TXNDC11: variants seen among roughly 807,000 people sequenced by gnomAD.
TXNDC11 encodes thioredoxin domain-containing protein 11.
TXNDC11 carries 68 observed loss-of-function variants against 78.0 expected under a neutral mutation model. The observed-to-expected ratio is 0.87, with a 90% CI of 0.72 to 1.07. The LOEUF (loss-of-function observed/expected upper bound fraction) is 1.07, where lower values mean the gene tolerates loss of function less well. Ranked by LOEUF, TXNDC11 falls within the 50% of genes least tolerant of loss-of-function variation. The pLI is 0.00. For missense variants in TXNDC11, 1,389 were observed against 1,221.8 expected, an observed-to-expected ratio of 1.14 and a Z score of -2.04; for synonymous variants, 571 against 495.2, an observed-to-expected ratio of 1.15 and a Z score of -2.03.
intron 6 of TXNDC11, among the ~76,000 whole-genome samples, chr16:11,699,349 T>A (rs554178578): frequency 5.3e-5 from 8 of 152,334 alleles, no homozygotes; most frequent in Middle Eastern, 3.4e-3. Flanking sequence ...ATATGTAGGC[T>A]GTGTAACATG....
intron 1 of TXNDC11, 35 bp downstream of exon 1, chr16:11,742,442 G>C: frequency 7.3e-7 from 1 of 1,364,850 alleles, no homozygotes; most frequent in Non-Finnish European, 9.4e-7. Context: ...CAAGGGGAGC[G>C]CCCTAGCGGG....
At chr16:11,736,891 A>C (rs1351971089) in intron 1 of TXNDC11, among the ~76,000 whole-genome samples, 1 of 152,166 alleles carries the variant, frequency 6.6e-6, no homozygotes, top group Non-Finnish European at 1.5e-5. Flanking sequence ...ATCAGGAGGA[A>C]AAAGAAAAGA....
At position 11,742,626 on chromosome 16, in the gene TXNDC11, C is replaced by A; in HGVS notation, c.105G>T (p.Ser35=). ...AGGACGCTGTGGCCAGGGTCGGGCT[C>A]GAGCTGAGGCAGTCTGAGCCCGCGG... ...GGPAGSDCLS[S]SPTLATASSA... Residue 35 remains serine (S), a synonymous_variant, in exon 1 of 12, where the codon TCG becomes TCT. Transcript: ENST00000283033. 6.9e-7 allele frequency: 1 copy of A among 1,459,272 alleles called. No homozygotes were observed. Among genetic ancestry groups the A allele is most frequent in the Non-Finnish European group, 9.0e-7 (1 of 1,111,250 alleles). The allele number at this position is 1,459,272 out of a possible 1,614,324, so 90.4% of individuals were successfully genotyped here. A position where few individuals can be genotyped will look rare whatever the true frequency, so the allele number is the denominator to read the frequency against.
intron 7 of TXNDC11, 42 bp from the exon 8 acceptor site, chr16:11,692,124 T>TGAG: frequency 6.8e-7 from 1 of 1,466,490 alleles, no homozygotes; most frequent in South Asian, 1.4e-5. Flanking sequence ...TGGGGATGAC[T>TGAG]GAGGGACTAG....
intron 10 of TXNDC11, among the ~76,000 whole-genome samples, chr16:11,685,974 T>C (rs2050558105): frequency 6.6e-6 from 1 of 152,182 alleles, no homozygotes; most frequent in Admixed American, 6.5e-5. Context: ...CTTTTTTTTT[T>C]CTGAGACACA....
At chr16:11,727,309 A>C (rs2051912377) in intron 4 of TXNDC11, among the ~76,000 whole-genome samples, 1 of 152,146 alleles carries the variant, frequency 6.6e-6, no homozygotes, top group African/African-American at 2.4e-5. Flanking sequence ...AAACATATCT[A>C]ACAGACACTA....
intron 5 of TXNDC11, among the ~76,000 whole-genome samples, chr16:11,704,599 GA>G (rs1395848912): frequency 1.8e-4 from 28 of 152,334 alleles, no homozygotes; most frequent in African/African-American, 5.5e-4. Context: ...GAAGTGCTGA[GA>G]AGTACCTATT....
chr16:11,729,955 C>G (rs1240165551), intron 4 of TXNDC11, among the ~76,000 whole-genome samples: 1 of 151,986 alleles, frequency 6.6e-6, no homozygotes, highest in Admixed American at 6.6e-5. Flanking sequence ...ATTAGCTGGG[C>G]GTGGTGGCAC....
intron 4 of TXNDC11, among the ~76,000 whole-genome samples, chr16:11,728,871 C>T (rs1487182072): frequency 6.6e-6 from 1 of 152,038 alleles, no homozygotes; most frequent in African/African-American, 2.4e-5. Context: ...TATGATGGTG[C>T]ATGCCTGTAA....
chr16:11,714,549 A>T (rs1229562309), intron 5 of TXNDC11, among the ~76,000 whole-genome samples: 1 of 152,086 alleles, frequency 6.6e-6, no homozygotes, highest in African/African-American at 2.4e-5. Flanking sequence ...CTGAGGCAGG[A>T]AAATGGCGTG....
At chr16:11,690,401 C>T (rs2050677399) in intron 8 of TXNDC11, among the ~76,000 whole-genome samples, 1 of 152,210 alleles carries the variant, frequency 6.6e-6, no homozygotes, top group Non-Finnish European at 1.5e-5. Context: ...TTGCACTTTA[C>T]ACTTGTTACA....
At chr16:11,691,031 T>C in intron 8 of TXNDC11, 1 of 483,368 alleles carries the variant, frequency 2.1e-6, no homozygotes, top group Admixed American at 3.9e-5. Context: ...ATCGCCAATT[T>C]AGAAAGTGGG....
intron 3 of TXNDC11, among the ~76,000 whole-genome samples, chr16:11,731,394 T>C (rs372811079): frequency 1.9e-4 from 29 of 152,220 alleles, no homozygotes; most frequent in African/African-American, 4.6e-4. Flanking sequence ...TGGGGACACA[T>C]AGAATTGGAT....
intron 10 of TXNDC11, 53 bp from the exon 11 acceptor site, chr16:11,684,298 C>T: frequency 7.4e-7 from 1 of 1,344,334 alleles, no homozygotes; most frequent in Non-Finnish European, 1.1e-6. Context: ...GAAACACCAA[C>T]TTGAAAGAAC....
intron 4 of TXNDC11, among the ~76,000 whole-genome samples, chr16:11,725,593 TCA>T (rs2051853562): frequency 6.6e-6 from 1 of 152,176 alleles, no homozygotes; most frequent in African/African-American, 2.4e-5. Flanking sequence ...TGTAGGTAAA[TCA>T]CAGCCTCCCT....
chr16:11,687,894 C>G lies in TXNDC11; in HGVS notation c.2116G>C (p.Ala706Pro), dbSNP rs1469368036. 6.2e-7 allele frequency: 1 copy of G among 1,613,824 alleles called. No homozygotes were observed. The highest frequency in any genetic ancestry group is 1.1e-5 in the South Asian group (1 of 91,060). The stretch of plus-strand genomic sequence containing the variant: ...AATGTGTCCATGGGCAGGTTCCGAG[C>G]TAGCTGGATGAAGATGTGATTGAGG... ...PSLNHIFIQL[A>P]RNLPMDTFTV... Residue 706 changes from alanine to proline, a missense_variant, in exon 10 of 12, where the codon GCT becomes CCT. Physicochemically the swap from Ala to Pro is conservative, Grantham distance 27. Coordinates refer to ENST00000283033, the MANE Select transcript of TXNDC11 (RefSeq NM_015914.7).
rs61741517 is a variant in TXNDC11 at position 11,684,187 on chromosome 16, C to A, written c.2212G>T (p.Val738Phe). The part of the protein sequence containing the change: ...WEFMVDRLPT[V>F]LFFPCNRKDL... ...TACCTGTTGCAGGGAAAAAACAAGA[C>A]AGTAGGAAGACGATCGACCATAAAT... The change falls in exon 11 of 12, where the codon GTC (valine) becomes TTC (phenylalanine). Residue 738 changes from valine (V) to phenylalanine (F), a missense_variant. Coordinates refer to ENST00000283033, the MANE Select transcript of TXNDC11 (RefSeq NM_015914.7). The A allele has an allele frequency of 6.2e-7, 1 of 1,613,864 alleles. No individual in the cohort carries two copies. Among genetic ancestry groups the A allele is most frequent in the African/African-American group, 1.3e-5 (1 of 75,038 alleles).
At chr16:11,687,327 C>T (rs1468673832) in intron 10 of TXNDC11, among the ~76,000 whole-genome samples, 1 of 152,100 alleles carries the variant, frequency 6.6e-6, no homozygotes, top group African/African-American at 2.4e-5. Flanking sequence ...AAACTGCTTA[C>T]TACCCCATCT....
At chr16:11,715,643 C>T (rs754182287) in intron 5 of TXNDC11, among the ~76,000 whole-genome samples, 4 of 152,168 alleles carry the variant, frequency 2.6e-5, no homozygotes, top group African/African-American at 7.2e-5. Context: ...TCACCAAGCA[C>T]GGTGTGGAGC....
Sources: allele counts gnomAD v4.1 joint callset (sites outside exome capture counted in the v4.1 genomes callset), GRCh38; gene constraint gnomAD v4.1.1; transcripts MANE v1.5; gene names NCBI Gene and HGNC (gene_info 2026-07-23, HGNC 2026-07-21).